METTL15: variants seen among roughly 807,000 people sequenced by gnomAD.
The protein encoded by METTL15 is 12S rRNA N(4)-cytidine methyltransferase METTL15.
In METTL15, 34 loss-of-function variants were observed where a neutral mutation model predicts 38.3. The observed-to-expected ratio is 0.89, with a 90% CI of 0.68 to 1.18. METTL15 has a LOEUF of 1.18. Ranked by LOEUF, METTL15 falls within the 50% of genes most tolerant of loss-of-function variation. The pLI, the probability that METTL15 is intolerant of heterozygous loss-of-function variation, is 0.00. For missense variants in METTL15, 438 were observed against 498.4 expected (o/e 0.88, Z 1.15); for synonymous variants, 162 against 170.9 (o/e 0.95, Z 0.41).
At chr11:28,123,824 A>G in intron 3 of METTL15, 1 of 1,370,792 alleles carries the variant, frequency 7.3e-7, no homozygotes, top group Non-Finnish European at 9.9e-7. Flanking sequence ...TAAAACTGAA[A>G]TCTTTCTTTT....
chr11:28,394,340 C>T (rs1850546125), intron 5 of METTL15, among the ~76,000 whole-genome samples: 1 of 152,114 alleles, frequency 6.6e-6, no homozygotes, highest in Non-Finnish European at 1.5e-5. Context: ...CTTTCATTCA[C>T]AACACAAATG....
At chr11:28,381,144 A>C (rs888838047) in intron 5 of METTL15, among the ~76,000 whole-genome samples, 5 of 152,132 alleles carry the variant, frequency 3.3e-5, no homozygotes, top group Admixed American at 2.0e-4. Context: ...CTGTGACTAC[A>C]GGCATGTGCT....
chr11:28,524,925 C>T (rs748849014), intron 6 of METTL15, among the ~76,000 whole-genome samples: 5 of 152,118 alleles, frequency 3.3e-5, no homozygotes, highest in East Asian at 1.9e-4. Context: ...TTCTGATGTT[C>T]GGATGTGTTT....
rs1461181609 is a variant in METTL15, at chr11:28,510,158, G to A, written c.*425-16320G>A. 3.9e-5 allele frequency among the ~76,000 whole-genome samples: 6 copies of A among 152,008 alleles called. No homozygotes were observed. In the South Asian group the frequency reaches 6.2e-4, roughly 16 times the overall value. On this transcript the variant is annotated intron_variant and NMD_transcript_variant, in intron 6 of 7. Transcript: ENST00000532947. The stretch of plus-strand genomic sequence containing the variant: ...AGATGACATTTTCCTTACAGCGCCT[G>A]TGTCTCAGTTGTTTGGACTTGATAA...
In METTL15 at chr11:28,401,797, C is replaced by T. The variant is rs924687268; in HGVS notation, c.*359-22502C>T. On this transcript the variant is annotated intron_variant and NMD_transcript_variant, in intron 5 of 7. Coordinates refer to the METTL15 transcript ENST00000532947. The stretch of plus-strand genomic sequence containing the variant: ...ATAAGTTCTTGAGGCCAAATTACTT[C>T]GATAGCAAGATACTTCAAAGATAGC... Among the ~76,000 whole-genome samples, 3 of 152,008 alleles carry T rather than the reference C, an allele frequency of 2.0e-5. No homozygotes were observed. In the East Asian group the frequency reaches 5.8e-4, roughly 29 times the overall value.
intron 6 of METTL15, among the ~76,000 whole-genome samples, chr11:28,521,701 A>G (rs1047064893): frequency 3.3e-5 from 5 of 152,058 alleles, no homozygotes; most frequent in Admixed American, 2.0e-4. Context: ...AGTAGGAGAA[A>G]GCAGAGTAGG....
intron 4 of METTL15, among the ~76,000 whole-genome samples, chr11:28,353,407 G>A (rs910961143): frequency 2.8e-4 from 43 of 152,290 alleles, no homozygotes; most frequent in African/African-American, 8.4e-4. Flanking sequence ...ATTTCGAAGG[G>A]TGTGCCACCA....
At chr11:28,380,803 G>T (rs1190159540) in intron 5 of METTL15, among the ~76,000 whole-genome samples, 2 of 151,452 alleles carry the variant, frequency 1.3e-5, no homozygotes, top group Non-Finnish European at 2.9e-5. Flanking sequence ...ACATTTGAAA[G>T]ATAGCTTTGC....
intron 4 of METTL15, among the ~76,000 whole-genome samples, chr11:28,255,132 A>G (rs12419476): frequency 0.017 from 2,589 of 152,148 alleles, 120 homozygotes; most frequent in East Asian, 0.12. Context: ...GTCCTCTACA[A>G]TTTCTTTCAT....
chr11:28,162,853 G>A (rs925676311), intron 3 of METTL15, among the ~76,000 whole-genome samples: 10 of 152,022 alleles, frequency 6.6e-5, no homozygotes, highest in Non-Finnish European at 1.5e-4. Flanking sequence ...TTCAAGGTAT[G>A]GTTTTGACTG....
At chr11:28,312,276 T>G (rs1392741308) in intron 6 of METTL15, among the ~76,000 whole-genome samples, 2 of 152,196 alleles carry the variant, frequency 1.3e-5, no homozygotes, top group Non-Finnish European at 2.9e-5. Flanking sequence ...TTATTGTTAT[T>G]CATTAAACTG....
chr11:28,511,181 G>C (rs541056677), intron 6 of METTL15, among the ~76,000 whole-genome samples: 11 of 152,208 alleles, frequency 7.2e-5, no homozygotes, highest in African/African-American at 2.6e-4. Flanking sequence ...CAACACAGTG[G>C]GGGTGCTGAC....
intron 4 of METTL15, among the ~76,000 whole-genome samples, chr11:28,229,862 T>C (rs1226341115): frequency 6.6e-6 from 1 of 152,052 alleles, no homozygotes; most frequent in Admixed American, 6.6e-5. Context: ...ACTTACTTTT[T>C]ATTGATTGTG....
intron 3 of METTL15, among the ~76,000 whole-genome samples, chr11:28,351,328 C>T (rs1454450332): frequency 6.6e-6 from 1 of 152,104 alleles, no homozygotes. Context: ...CCAGGCTGGT[C>T]TCAAACTCCT....
chr11:28,293,815 G>T lies in METTL15; in HGVS notation c.600-2938G>T, dbSNP rs189649940. The stretch of plus-strand genomic sequence containing the variant: ...TCCTAAGTATTTTATTCTCTTTGAA[G>T]CAATTGTGAATGGGAGTTCACTCAT... On this transcript the variant is annotated intron_variant, in intron 5 of 6. Transcript: ENST00000407364. Among the ~76,000 whole-genome samples the T allele has an allele frequency of 5.6e-3, 856 of 152,202 alleles. 2 individuals carry two copies. Among genetic ancestry groups the T allele is most frequent in the Middle Eastern group, 0.017 (5 of 294 alleles).
Position 28,330,782 on chromosome 11 carries a change from G to T in METTL15, c.1165G>T (p.Asp389Tyr). ...HKKVLSPQDQ[D>Y]VQDNPRGRSA... ...GAAGGTACTTAGTCCACAAGATCAG[G>T]ATGTACAAGATAACCCCAGAGGGCG... The change falls in exon 7 of 7, where the codon GAT becomes TAT. Residue 389 changes from aspartate to tyrosine, a missense_variant. Physicochemically the swap from Asp to Tyr is radical, Grantham distance 160. Transcript: ENST00000407364. The T allele has an allele frequency of 2.6e-6, 4 of 1,551,742 alleles. No individual in the cohort carries two copies. In the South Asian group the frequency reaches 4.8e-5, roughly 18 times the overall value.
At chr11:28,334,235 A>G (rs953134448), downstream of METTL15, among the ~76,000 whole-genome samples, 67 of 152,170 alleles carry the variant, frequency 4.4e-4, no homozygotes, top group African/African-American at 1.5e-3. Flanking sequence ...TTGAGGTGAC[A>G]TTAATTATGT....
intron 4 of METTL15, among the ~76,000 whole-genome samples, chr11:28,273,591 T>A (rs920654179): frequency 6.6e-6 from 1 of 152,050 alleles, no homozygotes; most frequent in Admixed American, 6.6e-5. Flanking sequence ...CATATATATA[T>A]TGAGTGGCTG....
At chr11:28,337,830 G>A (rs899481295), downstream of METTL15, among the ~76,000 whole-genome samples, 14 of 152,060 alleles carry the variant, frequency 9.2e-5, no homozygotes, top group African/African-American at 3.1e-4. Flanking sequence ...GTGTGTAGAA[G>A]GCTATACTAT....
Sources: allele counts gnomAD v4.1 joint callset (sites outside exome capture counted in the v4.1 genomes callset), GRCh38; gene constraint gnomAD v4.1.1; transcripts MANE v1.5; gene names NCBI Gene and HGNC (gene_info 2026-07-23, HGNC 2026-07-21).